Variants in ANK2 observed in about 807,000 individuals in gnomAD.
The protein encoded by ANK2 is ankyrin-2.
In ANK2, 83 loss-of-function variants were observed where a neutral mutation model predicts 360.5. The ratio of observed to expected loss-of-function variants is 0.23; its 90% CI spans 0.19 to 0.28. The LOEUF (loss-of-function observed/expected upper bound fraction) is 0.28. ANK2 is among the 10% of genes least tolerant of loss of function. The pLI, the probability that ANK2 is intolerant of heterozygous loss-of-function variation, is 1.00. For synonymous variants in ANK2, 1,740 were observed against 1,759.5 expected, an observed-to-expected ratio of 0.99 and a Z score of 0.28; for missense variants, 4,201 against 4,795.7, an observed-to-expected ratio of 0.88 and a Z score of 3.66.
At chr4:112,857,562 G>A (rs1021770809) in intron 1 of ANK2, among the ~76,000 whole-genome samples, 1 of 152,076 alleles carries the variant, frequency 6.6e-6, no homozygotes, top group Non-Finnish European at 1.5e-5. Flanking sequence ...CCAGAATTCC[G>A]CATCATGGAT....
rs750428090 is a variant in ANK2 at position 113,302,770 on chromosome 4, A to G, written c.2479A>G (p.Ile827Val). ...TTAATGATTTTTGTTTTTCCAGACT[A>G]TTACAGAAAAACACAAACTAAATGT... ...TEEVTTTTTT[I>V]TEKHKLNVPE... The change falls in exon 23 of 46, where the codon ATT becomes GTT. Residue 827 changes from isoleucine to valine, a missense_variant. By Grantham distance (29) the Ile-to-Val change is conservative (BLOSUM62 3). Coordinates refer to ENST00000357077, the MANE Select transcript of ANK2 (RefSeq NM_001148.6). 14 of 1,613,156 alleles carry G rather than the reference A, an allele frequency of 8.7e-6. No individual in the cohort carries two copies. In the South Asian group the frequency reaches 1.1e-4, roughly 13 times the overall value.
intron 1 of ANK2, among the ~76,000 whole-genome samples, chr4:112,863,617 G>C (rs1337703927): frequency 6.7e-6 from 1 of 150,162 alleles, no homozygotes; most frequent in Non-Finnish European, 1.5e-5. Flanking sequence ...CCGCCTCCCG[G>C]GTTCACGCCA....
intron 4 of ANK2, among the ~76,000 whole-genome samples, chr4:113,202,418 C>T (rs563104339): frequency 5.9e-5 from 9 of 152,108 alleles, no homozygotes; most frequent in African/African-American, 9.7e-5. Flanking sequence ...AGAAAAAGGA[C>T]GTAGGGAATC....
intron 37 of ANK2, 134 bp from the exon 38 acceptor site, chr4:113,352,911 C>G (rs968768189): frequency 2.0e-5 from 19 of 945,984 alleles, no homozygotes; most frequent in Non-Finnish European, 2.7e-5. Context: ...ATCTACCATT[C>G]CCAGCCCATT....
chr4:112,865,602 A>G (rs2070211603), intron 1 of ANK2, among the ~76,000 whole-genome samples: 1 of 152,210 alleles, frequency 6.6e-6, no homozygotes, highest in South Asian at 2.1e-4. Context: ...GTGTGGAGGT[A>G]TGGAGGTAGG....
intron 1 of ANK2, among the ~76,000 whole-genome samples, chr4:113,063,345 A>G (rs1270895086): frequency 1.3e-5 from 2 of 152,108 alleles, no homozygotes; most frequent in Non-Finnish European, 2.9e-5. Context: ...AATTCTTGGA[A>G]AGGTGGATTT....
At chr4:113,220,308 G>A (rs538589088) in intron 4 of ANK2, among the ~76,000 whole-genome samples, 14 of 152,288 alleles carry the variant, frequency 9.2e-5, no homozygotes, top group African/African-American at 2.9e-4. Flanking sequence ...TAGGAGATAA[G>A]GAGAGAAGTT....
At chr4:112,927,598 A>G (rs1230302543) in intron 2 of ANK2, among the ~76,000 whole-genome samples, 1 of 152,232 alleles carries the variant, frequency 6.6e-6, no homozygotes, top group East Asian at 1.9e-4. Flanking sequence ...AAATTGGTAC[A>G]TCATCTGCCC....
Position 113,293,251 on chromosome 4 carries a change from A to T in ANK2, c.2377-189A>T. On this transcript the variant is annotated intron_variant, in intron 21 of 45. Transcript: ENST00000357077. ...GCAAGCTTGTTGTGTTACCATGGTGACCTGGCCTATAGTCTGAAGAAGTTA... is the reference window on the plus strand; with the variant it reads ...GCAAGCTTGTTGTGTTACCATGGTGTCCTGGCCTATAGTCTGAAGAAGTTA... 3 of 695,974 alleles carry T rather than the reference A, an allele frequency of 4.3e-6. No homozygotes were observed. The South Asian group carries it at 4.5e-5, about 10-fold the overall frequency. The allele number at this position is 695,974 out of a possible 1,614,324, so 43.1% of individuals were successfully genotyped here.
In ANK2 at chr4:113,129,267, C is replaced by T. The variant is rs146520525; in HGVS notation, c.85-45149C>T. ...ATGGAAATTATAACTAGTACAAAGGCAATCAGCAATCTAGCTTGTGTTTAA... is the reference window on the plus strand; with the variant it reads ...ATGGAAATTATAACTAGTACAAAGGTAATCAGCAATCTAGCTTGTGTTTAA... On this transcript the variant is annotated intron_variant, in intron 1 of 45. Coordinates refer to ENST00000357077, the MANE Select transcript of ANK2 (RefSeq NM_001148.6). Among the ~76,000 whole-genome samples, 4 of 152,212 alleles carry T rather than the reference C, an allele frequency of 2.6e-5. No homozygotes were observed. The East Asian group carries it at 7.7e-4, about 29-fold the overall frequency.
At chr4:113,271,450 C>G (rs1047784746) in intron 14 of ANK2, among the ~76,000 whole-genome samples, 2 of 147,160 alleles carry the variant, frequency 1.4e-5, no homozygotes, top group African/African-American at 5.2e-5. Context: ...TGATTTCTCA[C>G]CGCACGCATG....
chr4:112,761,020 G>A, the ANK2 span, among the ~76,000 whole-genome samples: 3 of 151,644 alleles, frequency 2.0e-5, no homozygotes, highest in Admixed American at 2.0e-4. Flanking sequence ...TGTTGACCAG[G>A]CTGGTCTTGA....
intron 2 of ANK2, among the ~76,000 whole-genome samples, chr4:112,992,865 T>C (rs550976132): frequency 6.6e-6 from 1 of 152,348 alleles, no homozygotes; most frequent in South Asian, 2.1e-4. Context: ...TGCTTATTTC[T>C]TAAAATTGAC....
At position 112,899,364 on chromosome 4, in the gene ANK2, CTATT is replaced by C. The variant is rs533997591; in HGVS notation, c.-39-5087_-39-5084del. ...TAGTGACATCCAAAATAATTTTAAA[CTATT>C]TATAATTTTCTCATTTTGTTAGTTG... On this transcript the variant is annotated intron_variant, in intron 1 of 30. Transcript: ENST00000503271. Among the ~76,000 whole-genome samples, 282 of 152,152 alleles carry C rather than the reference CTATT, an allele frequency of 1.9e-3. 2 individuals carry two copies. The highest frequency in any genetic ancestry group is 6.4e-3 in the South Asian group (31 of 4,816).
Position 113,072,742 on chromosome 4 carries a change from A to ATTTT in ANK2, c.84+22950_84+22953dup, listed in dbSNP as rs34098456. On this transcript the variant is annotated intron_variant, in intron 1 of 45. Coordinates refer to ENST00000357077, the MANE Select transcript of ANK2 (RefSeq NM_001148.6). ...TCCCTTAAAATAGACACTTGGCATAATTTTTTTTTTTTTTTTTTTTTTTGC... is the reference window on the plus strand; with the variant it reads ...TCCCTTAAAATAGACACTTGGCATAATTTTTTTTTTTTTTTTTTTTTTTTTTTGC... Among the ~76,000 whole-genome samples, 252 of 74,142 alleles carry ATTTT rather than the reference A, an allele frequency of 3.4e-3. 2 individuals carry two copies. Among genetic ancestry groups the ATTTT allele is most frequent in the Non-Finnish European group, 4.7e-3 (164 of 34,768 alleles). 48.6% of individuals were successfully genotyped at this position (74,142 alleles called of 152,430 possible).
At chr4:112,985,260 A>AC (rs2044450280) in intron 2 of ANK2, among the ~76,000 whole-genome samples, 2 of 152,056 alleles carry the variant, frequency 1.3e-5, no homozygotes, top group Non-Finnish European at 2.9e-5. Flanking sequence ...TGTGTCAGCA[A>AC]ACTTGTCGTG....
upstream of ANK2, among the ~76,000 whole-genome samples, chr4:112,817,312 C>G (rs899986906): frequency 6.6e-6 from 1 of 152,108 alleles, no homozygotes; most frequent in Non-Finnish European, 1.5e-5. Context: ...ATTAGAAGCT[C>G]TGTAACAAAT....
At position 113,355,834 on chromosome 4, in the gene ANK2, C is replaced by A. The variant is rs1430842551; in HGVS notation, c.7216C>A (p.Pro2406Thr). ...ESKPQGVIRS[P>T]QGLELALPSR... The stretch of plus-strand genomic sequence containing the variant: ...AAAACCTCAGGGAGTCATTAGAAGT[C>A]CCCAAGGGTTAGAACTTGCACTCCC... Residue 2406 changes from proline to threonine, a missense_variant, in exon 38 of 46, where the codon CCC becomes ACC. By Grantham distance (38) the Pro-to-Thr change is conservative. This residue lies in a region of ANK2 where 2,642 missense variants were observed against 2,714.5 expected (regional missense o/e 0.97). Transcript: ENST00000357077. 2 of 1,613,976 alleles carry A rather than the reference C, an allele frequency of 1.2e-6. No individual in the cohort carries two copies. The highest frequency in any genetic ancestry group is 2.7e-5 in the African/African-American group (2 of 74,934).
intron 8 of ANK2, among the ~76,000 whole-genome samples, chr4:113,241,754 G>T (rs1244779042): frequency 6.6e-6 from 1 of 152,172 alleles, no homozygotes; most frequent in East Asian, 1.9e-4. Context: ...GTGCATGGAT[G>T]TTATAGAAAG....
Sources: allele counts gnomAD v4.1 joint callset (sites outside exome capture counted in the v4.1 genomes callset), GRCh38; gene constraint gnomAD v4.1.1; regional missense constraint gnomAD v4.1.1; transcripts MANE v1.5; gene names NCBI Gene and HGNC (gene_info 2026-07-23, HGNC 2026-07-21).